Variants in DCC observed in about 807,000 individuals in gnomAD.
The protein encoded by DCC is DCC netrin 1 receptor.
In DCC, 58 loss-of-function variants were observed where a neutral mutation model predicts 172.5. The ratio of observed to expected loss-of-function variants is 0.34; its 90% CI spans 0.27 to 0.42. DCC has a LOEUF of 0.42. Among genes scored for constraint, DCC ranks in the 10% least tolerant of loss-of-function variants. The pLI, the probability that DCC is intolerant of heterozygous loss-of-function variation, is 1.00. For missense variants in DCC, 1,740 were observed against 1,791.0 expected (o/e 0.97, Z 0.51); for synonymous variants, 709 against 644.5 (o/e 1.10, Z -1.52).
intron 15 of DCC, among the ~76,000 whole-genome samples, chr18:53,347,977 G>A (rs962648015): frequency 2.0e-5 from 3 of 152,034 alleles, no homozygotes; most frequent in Non-Finnish European, 2.9e-5. Flanking sequence ...AGATTTGGGT[G>A]GGGACACAGC....
intron 2 of DCC, among the ~76,000 whole-genome samples, chr18:52,858,333 C>A (rs990850735): frequency 6.6e-6 from 1 of 152,132 alleles, no homozygotes; most frequent in African/African-American, 2.4e-5. Context: ...GCAGCAGCAG[C>A]AGTAACAGCA....
chr18:52,485,855 AAT>A (rs2030192326), intron 1 of DCC, among the ~76,000 whole-genome samples: 1 of 152,176 alleles, frequency 6.6e-6, no homozygotes, highest in Admixed American at 6.6e-5. Flanking sequence ...ATTAATCAAA[AAT>A]AAAATAATTT....
intron 1 of DCC, among the ~76,000 whole-genome samples, chr18:52,346,975 C>G (rs942645222): frequency 1.3e-5 from 2 of 152,132 alleles, no homozygotes; most frequent in Admixed American, 1.3e-4. Flanking sequence ...GATGATGAAA[C>G]TTAACAGGAG....
intron 1 of DCC, among the ~76,000 whole-genome samples, chr18:52,343,576 A>G (rs1381728022): frequency 6.6e-6 from 1 of 152,306 alleles, no homozygotes; most frequent in East Asian, 1.9e-4. Flanking sequence ...GTAAGATGTC[A>G]TCTTCTTATA....
intron 3 of DCC, among the ~76,000 whole-genome samples, chr18:52,920,486 AT>A (rs140953013): frequency 0.051 from 7,736 of 152,192 alleles, 267 homozygotes; most frequent in South Asian, 0.14. Flanking sequence ...TAAAACATCT[AT>A]TATATACCAT....
At chr18:52,902,014 T>C (rs921857015) in intron 2 of DCC, among the ~76,000 whole-genome samples, 1 of 152,170 alleles carries the variant, frequency 6.6e-6, no homozygotes, top group Non-Finnish European at 1.5e-5. Context: ...TTTGATTGAG[T>C]ACCTAAAACA....
At chr18:52,499,330 C>T (rs138990590) in intron 1 of DCC, among the ~76,000 whole-genome samples, 5 of 152,226 alleles carry the variant, frequency 3.3e-5, no homozygotes, top group African/African-American at 4.8e-5. Flanking sequence ...ATTTTCTCAT[C>T]TCTAAAATGG....
chr18:53,225,212 A>G (rs2056007241), intron 12 of DCC, among the ~76,000 whole-genome samples: 1 of 152,170 alleles, frequency 6.6e-6, no homozygotes, highest in South Asian at 2.1e-4. Context: ...GAAGGGATTA[A>G]GTAGAGTGAC....
At chr18:52,834,107 C>T (rs1304979495) in intron 2 of DCC, among the ~76,000 whole-genome samples, 1 of 152,162 alleles carries the variant, frequency 6.6e-6, no homozygotes, top group Non-Finnish European at 1.5e-5. Flanking sequence ...AGCTTCCACA[C>T]AGGTGGGAAC....
intron 1 of DCC, among the ~76,000 whole-genome samples, chr18:52,385,093 G>A (rs1349939771): frequency 1.3e-5 from 2 of 152,012 alleles, no homozygotes; most frequent in Admixed American, 1.3e-4. Flanking sequence ...AGTGCATAGA[G>A]CAAAGGAAAA....
intron 9 of DCC, among the ~76,000 whole-genome samples, chr18:53,193,270 C>G (rs1271212131): frequency 2.0e-5 from 3 of 151,972 alleles, no homozygotes; most frequent in Non-Finnish European, 2.9e-5. Flanking sequence ...TTTTTCTCAC[C>G]TCATTTGGAC....
At chr18:53,163,685 G>A (rs1032490513) in intron 8 of DCC, among the ~76,000 whole-genome samples, 10 of 152,172 alleles carry the variant, frequency 6.6e-5, no homozygotes, top group African/African-American at 2.4e-4. Flanking sequence ...TTAAAGAGCA[G>A]CATATATTCC....
At chr18:52,692,233 T>A (rs2035939770) in intron 1 of DCC, among the ~76,000 whole-genome samples, 1 of 152,160 alleles carries the variant, frequency 6.6e-6, no homozygotes, top group South Asian at 2.1e-4. Context: ...TTTTCAATCT[T>A]CTGTCAAATG....
intron 12 of DCC, among the ~76,000 whole-genome samples, chr18:53,249,021 C>A (rs1476846599): frequency 6.6e-6 from 1 of 151,948 alleles, no homozygotes; most frequent in African/African-American, 2.4e-5. Context: ...CTGTTTGGCA[C>A]CTTCTAGAGT....
chr18:53,059,619 A>G (rs1411843065), intron 5 of DCC, among the ~76,000 whole-genome samples: 1 of 152,170 alleles, frequency 6.6e-6, no homozygotes, highest in Admixed American at 6.5e-5. Flanking sequence ...AAAGTATTCT[A>G]AAATAATCAA....
At chr18:52,964,941 A>G (rs563637602) in intron 5 of DCC, 3 of 152,254 alleles carry the variant, frequency 2.0e-5, no homozygotes, top group Admixed American at 6.5e-5. Context: ...TTCCAAGCCA[A>G]CAGCCTAGCA....
At chr18:53,238,562 C>A (rs981975109) in intron 12 of DCC, among the ~76,000 whole-genome samples, 1 of 151,688 alleles carries the variant, frequency 6.6e-6, no homozygotes, top group Admixed American at 6.6e-5. Flanking sequence ...TGTGTCCAAG[C>A]TCTTATAAGC....
chr18:52,340,563 C>G lies in DCC; in HGVS notation c.-225C>G, dbSNP rs1005283540. 19 of 611,192 alleles carry G rather than the reference C, an allele frequency of 3.1e-5. No individual in the cohort carries two copies. Among genetic ancestry groups the G allele is most frequent in the Admixed American group, 1.3e-4 (5 of 37,582 alleles). 37.9% of individuals were successfully genotyped at this position (611,192 alleles called of 1,614,324 possible). A position where few individuals can be genotyped will look rare whatever the true frequency, so the allele number is the denominator to read the frequency against. ...CTCTTGGACCGAATGGAACTTTTTG[C>G]TGCCTGCTTTTGCTGCTGATTCTGT... On this transcript the variant is annotated 5_prime_UTR_variant, in exon 1 of 29. Transcript: ENST00000442544.
chr18:53,517,969 TAC>T (rs1235531847), intron 27 of DCC, among the ~76,000 whole-genome samples: 1 of 152,166 alleles, frequency 6.6e-6, no homozygotes, highest in African/African-American at 2.4e-5. Context: ...GGTAGAGTAT[TAC>T]ACAAAGTTTC....
Sources: allele counts gnomAD v4.1 joint callset (sites outside exome capture counted in the v4.1 genomes callset), GRCh38; gene constraint gnomAD v4.1.1; transcripts MANE v1.5; gene names NCBI Gene and HGNC (gene_info 2026-07-23, HGNC 2026-07-21).